CNTN4: variants seen among roughly 807,000 people sequenced by gnomAD.
The protein encoded by CNTN4 is contactin-4.
Under a neutral mutation model 122.5 loss-of-function variants are expected in CNTN4, and 77 were observed. The observed-to-expected ratio is 0.63, with a 90% CI of 0.52 to 0.76. The LOEUF is 0.76. Among genes scored for constraint, CNTN4 ranks in the 30% least tolerant of loss-of-function variants. The pLI, the probability that CNTN4 is intolerant of heterozygous loss-of-function variation, is 0.00. For synonymous variants in CNTN4, 512 were observed against 447.0 expected (o/e 1.15, Z -1.83); for missense variants, 1,256 against 1,259.1 (o/e 1.00, Z 0.04).
intron 2 of CNTN4, among the ~76,000 whole-genome samples, chr3:2,264,975 A>G (rs1337898754): frequency 6.6e-6 from 1 of 152,012 alleles, no homozygotes; most frequent in Non-Finnish European, 1.5e-5. Flanking sequence ...GGCAGTGTAC[A>G]ATATGTCCAA....
chr3:2,361,420 G>A (rs2045132779), intron 3 of CNTN4, among the ~76,000 whole-genome samples: 1 of 152,184 alleles, frequency 6.6e-6, no homozygotes, highest in South Asian at 2.1e-4. Flanking sequence ...CAGGTATCCT[G>A]CTAAGCATCC....
At chr3:2,550,141 A>C (rs1320381424) in intron 3 of CNTN4, among the ~76,000 whole-genome samples, 1 of 152,114 alleles carries the variant, frequency 6.6e-6, no homozygotes, top group Admixed American at 6.6e-5. Context: ...AATCTTTTCA[A>C]AAAACCAGTT....
intron 23 of CNTN4, among the ~76,000 whole-genome samples, chr3:3,049,477 T>A (rs1701035402): frequency 6.6e-6 from 1 of 152,222 alleles, no homozygotes; most frequent in Non-Finnish European, 1.5e-5. Flanking sequence ...GTCACTTGCC[T>A]TTCACACAGC....
chr3:2,445,890 AGC>A (rs1247593668), intron 3 of CNTN4, among the ~76,000 whole-genome samples: 2 of 152,090 alleles, frequency 1.3e-5, no homozygotes, highest in Non-Finnish European at 2.9e-5. Context: ...AGATGGGGGA[AGC>A]CTACATTGTC....
At chr3:2,283,014 T>C (rs1367249130) in intron 2 of CNTN4, among the ~76,000 whole-genome samples, 1 of 152,114 alleles carries the variant, frequency 6.6e-6, no homozygotes, top group Non-Finnish European at 1.5e-5. Context: ...TGGAGAGTTA[T>C]TGCTTAATGG....
At chr3:2,746,940 T>C (rs1174688645) in intron 6 of CNTN4, among the ~76,000 whole-genome samples, 1 of 152,194 alleles carries the variant, frequency 6.6e-6, no homozygotes, top group East Asian at 1.9e-4. Context: ...ATTGATTTTT[T>C]AGTAATGACA....
chr3:2,674,994 A>G (rs555129341), intron 4 of CNTN4, among the ~76,000 whole-genome samples: 3 of 152,274 alleles, frequency 2.0e-5, no homozygotes, highest in East Asian at 1.9e-4. Context: ...TTATCTTTCA[A>G]ATATTTTATG....
rs201760626 is a variant in CNTN4 at position 2,406,405 on chromosome 3, A to G, written c.-89+67172A>G. Among the ~76,000 whole-genome samples the G allele has an allele frequency of 2.0e-5, 3 of 152,328 alleles. No homozygotes were observed. The East Asian group carries it at 5.8e-4, about 29-fold the overall frequency. ...TAACATGAAGGACACTCTATAAATT[A>G]ACTTAGCATCATTCTTCATCGTATC... On this transcript the variant is annotated intron_variant, in intron 3 of 24. Coordinates refer to ENST00000418658, the MANE Select transcript of CNTN4 (RefSeq NM_175607.3).
At chr3:3,015,093 T>C (rs1697624366) in intron 14 of CNTN4, among the ~76,000 whole-genome samples, 1 of 152,170 alleles carries the variant, frequency 6.6e-6, no homozygotes, top group Non-Finnish European at 1.5e-5. Flanking sequence ...CTTCAGATTT[T>C]CATTCTCCCT....
chr3:2,524,498 C>T (rs571708590), intron 3 of CNTN4, among the ~76,000 whole-genome samples: 59 of 152,128 alleles, frequency 3.9e-4, no homozygotes, highest in African/African-American at 1.4e-3. Flanking sequence ...ATTGATGAGT[C>T]AGAACCGAAG....
chr3:2,572,068 G>A (rs988749599), intron 4 of CNTN4, among the ~76,000 whole-genome samples: 2 of 152,130 alleles, frequency 1.3e-5, no homozygotes, highest in African/African-American at 4.8e-5. Context: ...TATACTCATG[G>A]CCAACTACTA....
intron 2 of CNTN4, among the ~76,000 whole-genome samples, chr3:2,329,378 C>T (rs1171918040): frequency 6.6e-6 from 1 of 152,220 alleles, no homozygotes; most frequent in Non-Finnish European, 1.5e-5. Context: ...GACCATGTTT[C>T]CTTCACTTCT....
At chr3:2,108,091 C>T (rs1045821604) in intron 2 of CNTN4, among the ~76,000 whole-genome samples, 1 of 152,022 alleles carries the variant, frequency 6.6e-6, no homozygotes, top group Non-Finnish European at 1.5e-5. Flanking sequence ...CTTCCCTGTT[C>T]CTATCCTCCC....
chr3:2,744,024 A>G (rs1274627804), intron 5 of CNTN4, among the ~76,000 whole-genome samples: 2 of 152,194 alleles, frequency 1.3e-5, no homozygotes, highest in African/African-American at 4.8e-5. Flanking sequence ...CATGTTGCCC[A>G]AGCTATTCTC....
intron 4 of CNTN4, among the ~76,000 whole-genome samples, chr3:2,663,466 C>T (rs4312636): frequency 0.4 from 60,934 of 151,920 alleles, 13,264 homozygotes; most frequent in African/African-American, 0.56. Flanking sequence ...AAACAAGAGA[C>T]ATTGGGAAAG....
At chr3:2,246,815 G>A (rs1153511) in intron 2 of CNTN4, among the ~76,000 whole-genome samples, 150,237 of 151,966 alleles carry the variant, frequency 0.99, 74,297 homozygotes, top group Middle Eastern at 1. Flanking sequence ...GTGGGGAAAA[G>A]TCCTCTCAGG....
chr3:2,198,771 A>G (rs2037961991), intron 2 of CNTN4, among the ~76,000 whole-genome samples: 1 of 152,152 alleles, frequency 6.6e-6, no homozygotes, highest in African/African-American at 2.4e-5. Context: ...ATTACACTTT[A>G]TTTGAAAACC....
At chr3:2,674,786 A>AC (rs1559374301) in intron 4 of CNTN4, among the ~76,000 whole-genome samples, 3 of 152,074 alleles carry the variant, frequency 2.0e-5, no homozygotes, top group Admixed American at 2.0e-4. Flanking sequence ...AAAACAAAAA[A>AC]AAAAAAAACC....
intron 14 of CNTN4, among the ~76,000 whole-genome samples, chr3:3,017,999 T>A (rs1697931156): frequency 6.6e-6 from 1 of 152,226 alleles, no homozygotes; most frequent in Non-Finnish European, 1.5e-5. Context: ...AATGGATTTG[T>A]TTCTGAAAAG....
Sources: gnomAD v4.1 joint callset for allele counts (sites outside exome capture counted in the v4.1 genomes callset) on GRCh38, gnomAD v4.1.1 for gene constraint, MANE v1.5 for transcripts, NCBI Gene and HGNC (gene_info 2026-07-23, HGNC 2026-07-21) for gene names.